Variants in FILIP1 observed in about 807,000 individuals in gnomAD.
FILIP1 encodes filamin A interacting protein 1, also known as filamin-A-interacting protein 1.
A neutral mutation model predicts 102.1 loss-of-function variants in FILIP1; 61 were observed. The observed-to-expected ratio is 0.60, with a 90% CI of 0.49 to 0.74. The LOEUF is 0.74. Among genes scored for constraint, FILIP1 ranks in the 30% least tolerant of loss-of-function variants. The pLI, the probability that FILIP1 is intolerant of heterozygous loss-of-function variation, is 0.00. For synonymous variants in FILIP1, 491 were observed against 526.9 expected, an observed-to-expected ratio of 0.93 and a Z score of 0.93; for missense variants, 1,314 against 1,441.2, an observed-to-expected ratio of 0.91 and a Z score of 1.43.
At position 75,314,878 on chromosome 6, in the gene FILIP1, G is replaced by A. The variant is rs73751111; in HGVS notation, c.954C>T (p.Asn318=). 284 of 1,614,010 alleles carry A rather than the reference G, an allele frequency of 1.8e-4. 1 individual carries two copies. In the African/African-American group the frequency reaches 3.2e-3, roughly 18 times the overall value. Residue 318 remains asparagine (N), a synonymous_variant, in exon 5 of 6, where the codon AAC becomes AAT. Coordinates refer to ENST00000237172, the MANE Select transcript of FILIP1 (RefSeq NM_015687.5). ...GAGACTCTTGATTAGCCAGTTTAGC[G>A]TTCATCTCTTCATGCTCTTGAGAAA... ...SRFSQEHEEM[N]AKLANQESHN...
intron 1 of FILIP1, among the ~76,000 whole-genome samples, chr6:75,434,816 C>A (rs1002052089): frequency 6.6e-6 from 1 of 152,198 alleles, no homozygotes. Flanking sequence ...ATGATATTGG[C>A]TGTGGGTTTG....
chr6:75,319,483 A>G, intron 4 of FILIP1: 1 of 598,428 alleles, frequency 1.7e-6, no homozygotes, highest in Non-Finnish European at 3.3e-6. Flanking sequence ...CCATATCTTC[A>G]AATTTTCCTT....
chr6:75,398,637 AG>A (rs1562546408), intron 2 of FILIP1, among the ~76,000 whole-genome samples: 1 of 152,216 alleles, frequency 6.6e-6, no homozygotes, highest in Non-Finnish European at 1.5e-5. Flanking sequence ...AGGTTGCACT[AG>A]GCACTTGTAA....
chr6:75,321,511 T>C (rs1773653376), intron 4 of FILIP1, among the ~76,000 whole-genome samples: 1 of 147,958 alleles, frequency 6.8e-6, no homozygotes, highest in African/African-American at 2.5e-5. Flanking sequence ...ATGAATGTGA[T>C]CGGCCGGGCG....
chr6:75,453,729 T>C (rs1778720277), intron 1 of FILIP1, among the ~76,000 whole-genome samples: 1 of 152,106 alleles, frequency 6.6e-6, no homozygotes, highest in Non-Finnish European at 1.5e-5. Flanking sequence ...GGTGGATCAA[T>C]TGAGCCCAGG....
chr6:75,475,807 A>T (rs1222863489), intron 1 of FILIP1, among the ~76,000 whole-genome samples: 1 of 152,206 alleles, frequency 6.6e-6, no homozygotes, highest in African/African-American at 2.4e-5. Flanking sequence ...ATATCCATAA[A>T]ATGAAAATGA....
At chr6:75,476,157 C>G (rs536974135) in intron 1 of FILIP1, among the ~76,000 whole-genome samples, 176 of 150,798 alleles carry the variant, frequency 1.2e-3, no homozygotes, top group African/African-American at 4.1e-3. Context: ...AGGAGAATGA[C>G]TTAAACCTGG....
chr6:75,429,811 C>T (rs1357760849), intron 1 of FILIP1, among the ~76,000 whole-genome samples: 1 of 152,128 alleles, frequency 6.6e-6, no homozygotes. Flanking sequence ...CTGTTACACC[C>T]CAGGCTTTCT....
At chr6:75,473,095 A>T (rs1779376527) in intron 1 of FILIP1, among the ~76,000 whole-genome samples, 1 of 152,130 alleles carries the variant, frequency 6.6e-6, no homozygotes, top group Non-Finnish European at 1.5e-5. Flanking sequence ...TGCATATGAA[A>T]CCAGGTCTGG....
intron 1 of FILIP1, among the ~76,000 whole-genome samples, chr6:75,438,938 C>T (rs1013760644): frequency 1.3e-5 from 2 of 152,146 alleles, no homozygotes; most frequent in Non-Finnish European, 2.9e-5. Flanking sequence ...AGATTTTGAA[C>T]GACTCCAATA....
intron 1 of FILIP1, chr6:75,458,375 T>C (rs1562629418): frequency 6.6e-6 from 1 of 152,240 alleles, no homozygotes. Flanking sequence ...AGAACGTCTA[T>C]TCTTTCTTCT....
At chr6:75,481,421 T>C (rs767490981) in intron 1 of FILIP1, among the ~76,000 whole-genome samples, 4 of 152,200 alleles carry the variant, frequency 2.6e-5, no homozygotes. Flanking sequence ...TGTATGACAA[T>C]GTTGGCATCT....
chr6:75,385,980 G>C (rs1776082212), intron 2 of FILIP1, among the ~76,000 whole-genome samples: 1 of 151,876 alleles, frequency 6.6e-6, no homozygotes, highest in African/African-American at 2.4e-5. Flanking sequence ...AAATGACCAA[G>C]AACCACTGGC....
chr6:75,306,413 A>T (rs772725816), downstream of FILIP1, among the ~76,000 whole-genome samples: 72 of 152,346 alleles, frequency 4.7e-4, 1 homozygote, highest in Middle Eastern at 3.4e-3. Flanking sequence ...TCACTGAAGA[A>T]TGGCAGGTGG....
chr6:75,315,047 C>T lies in FILIP1; in HGVS notation c.785G>A (p.Gly262Asp). Residue 262 changes from glycine (G) to aspartate (D), a missense_variant, in exon 5 of 6, where the codon GGC becomes GAC. Physicochemically the swap from Gly to Asp is moderately conservative, Grantham distance 94. Around this residue, in one of 3 missense-constraint regions of FILIP1, gnomAD observed 494 missense variants for 511.2 expected, o/e 0.97. Coordinates refer to ENST00000237172, the MANE Select transcript of FILIP1 (RefSeq NM_015687.5). ...DERQMHIEQL[G>D]LQSQKVQDLT... ...ATCCTGTACTTTCTGGCTTTGCAGG[C>T]CAAGTTGTTCAATGTGCATTTGTCT... 1 of 1,614,104 alleles carries T rather than the reference C, an allele frequency of 6.2e-7. No homozygotes were observed.
chr6:75,452,989 T>C (rs1039246793), intron 1 of FILIP1, among the ~76,000 whole-genome samples: 5 of 152,194 alleles, frequency 3.3e-5, no homozygotes, highest in Admixed American at 1.3e-4. Flanking sequence ...TTAGTCTCCA[T>C]TGATAGGTGT....
At chr6:75,487,511 C>A (rs1779823817) in intron 1 of FILIP1, among the ~76,000 whole-genome samples, 1 of 151,996 alleles carries the variant, frequency 6.6e-6, no homozygotes, top group Admixed American at 6.6e-5. Context: ...AAAGAATGTT[C>A]ATTTATTCCC....
At chr6:75,381,358 T>C (rs576421415) in intron 2 of FILIP1, among the ~76,000 whole-genome samples, 1 of 152,104 alleles carries the variant, frequency 6.6e-6, no homozygotes, top group African/African-American at 2.4e-5. Flanking sequence ...GCCTCCTGAG[T>C]AGCTGGGATT....
At chr6:75,468,238 G>A (rs182429320) in intron 1 of FILIP1, among the ~76,000 whole-genome samples, 2 of 152,274 alleles carry the variant, frequency 1.3e-5, no homozygotes, top group Admixed American at 1.3e-4. Flanking sequence ...AGCCTAATAA[G>A]GAGTGTCAGC....
Sources: allele counts gnomAD v4.1 joint callset (sites outside exome capture counted in the v4.1 genomes callset), GRCh38; gene constraint gnomAD v4.1.1; regional missense constraint gnomAD v4.1.1; transcripts MANE v1.5; gene names NCBI Gene and HGNC (gene_info 2026-07-23, HGNC 2026-07-21).